GABRA3: variants seen among roughly 807,000 people sequenced by gnomAD.
GABRA3 encodes the protein gamma-aminobutyric acid receptor subunit alpha-3.
In GABRA3, 10 loss-of-function variants were observed where a neutral mutation model predicts 30.1. The ratio of observed to expected loss-of-function variants is 0.33; its 90% CI spans 0.20 to 0.56. GABRA3 has a LOEUF of 0.56. GABRA3 is among the 20% of genes least tolerant of loss of function. The probability of loss-of-function intolerance (pLI) is 0.89; values close to 1 mark genes in which losing one functional copy is unlikely to be tolerated. For missense variants in GABRA3, 233 were observed against 392.0 expected (o/e 0.59, Z 3.42); for synonymous variants, 151 against 146.8 (o/e 1.03, Z -0.21).
At chrX:152,297,051 C>A (rs1939542844) in intron 3 of GABRA3, among the ~76,000 whole-genome samples, 1 of 111,205 alleles carries the variant, frequency 9.0e-6, no homozygotes, top group East Asian at 2.8e-4. Flanking sequence ...ACAACATATG[C>A]TGATAAAATA....
chrX:152,302,824 TTATAG>T lies in GABRA3; in HGVS notation c.263-18094_263-18090del, dbSNP rs1939654540. On this transcript the variant is annotated intron_variant, in intron 3 of 9. Coordinates refer to ENST00000370314, the MANE Select transcript of GABRA3 (RefSeq NM_000808.4). ...TTAGCTCCCACCTGTAAGTGAGAAC[TTATAG>T]TATTTGGTTTTCTGTTTCTCAGTTA... Among the ~76,000 whole-genome samples the T allele has an allele frequency of 2.7e-5, 3 of 111,514 alleles. No individual in the cohort carries two copies. In the South Asian group the frequency reaches 1.2e-3, roughly 43 times the overall value.
At chrX:152,357,004 T>TA (rs1348552735) in intron 2 of GABRA3, among the ~76,000 whole-genome samples, 1 of 112,003 alleles carries the variant, frequency 8.9e-6, no homozygotes, top group African/African-American at 3.2e-5. Context: ...AATGAGCATT[T>TA]AGGTTGATTC....
chrX:152,229,827 A>T (rs941162421), intron 5 of GABRA3, among the ~76,000 whole-genome samples: 2 of 111,447 alleles, frequency 1.8e-5, no homozygotes, highest in Non-Finnish European at 3.8e-5. Flanking sequence ...TAAAATTATG[A>T]CAACTTTATA....
At chrX:152,278,004 C>T (rs192368509) in intron 4 of GABRA3, among the ~76,000 whole-genome samples, 157 of 112,375 alleles carry the variant, frequency 1.4e-3, no homozygotes, top group African/African-American at 5.0e-3. Context: ...GCCACTCCCT[C>T]TTATTTTGGC....
At chrX:152,225,137 C>CA (rs984813966) in intron 5 of GABRA3, among the ~76,000 whole-genome samples, 2 of 109,752 alleles carry the variant, frequency 1.8e-5, no homozygotes, top group African/African-American at 6.6e-5. Flanking sequence ...GACACCCCCC[C>CA]CAAGAAGCCT....
At chrX:152,305,253 T>C (rs1939703796) in intron 3 of GABRA3, among the ~76,000 whole-genome samples, 1 of 110,118 alleles carries the variant, frequency 9.1e-6, no homozygotes, top group African/African-American at 3.3e-5. Flanking sequence ...CAATAGATAC[T>C]GGGGATTCCA....
intron 4 of GABRA3, among the ~76,000 whole-genome samples, chrX:152,257,210 G>A (rs766285626): frequency 2.7e-5 from 3 of 111,977 alleles, no homozygotes; most frequent in Non-Finnish European, 5.6e-5. Context: ...TCAAGTGGAG[G>A]AAATCTGAAA....
intron 1 of GABRA3, among the ~76,000 whole-genome samples, chrX:152,387,466 C>T (rs1929355552): frequency 9.0e-6 from 1 of 111,305 alleles, no homozygotes; most frequent in Non-Finnish European, 1.9e-5. Context: ...GAAATAAGTT[C>T]GTTACAGGCT....
chrX:152,315,051 C>T (rs1011571078), intron 3 of GABRA3, among the ~76,000 whole-genome samples: 1 of 111,298 alleles, frequency 9.0e-6, no homozygotes, highest in African/African-American at 3.3e-5. Flanking sequence ...TGTGGAGACT[C>T]GCACCATGAA....
chrX:152,392,291 C>T (rs765248882), intron 1 of GABRA3: 2 of 386,669 alleles, frequency 5.2e-6, no homozygotes, highest in Non-Finnish European at 1.0e-5. Context: ...CATTTGACCA[C>T]GATGCACACT....
At chrX:152,291,372 AC>A (rs2124444227) in intron 3 of GABRA3, among the ~76,000 whole-genome samples, 1 of 111,828 alleles carries the variant, frequency 8.9e-6, no homozygotes, top group African/African-American at 3.2e-5. Flanking sequence ...GCATCCTGAG[AC>A]TTTGCTGAAG....
chrX:152,286,446 G>T (rs141268647), intron 3 of GABRA3, among the ~76,000 whole-genome samples: 1 of 110,643 alleles, frequency 9.0e-6, no homozygotes, highest in Non-Finnish European at 1.9e-5. Context: ...GACCTGAATT[G>T]AGCACACTAG....
intron 4 of GABRA3, 21 bp from the exon 5 acceptor site, chrX:152,256,019 A>T (rs1938631118): frequency 8.8e-7 from 1 of 1,130,139 alleles, no homozygotes; most frequent in Non-Finnish European, 1.2e-6. Context: ...AAAGAGAGAA[A>T]ACAATGTTTC....
intron 6 of GABRA3, 35 bp downstream of exon 6, chrX:152,224,728 A>G (rs767428808): frequency 3.9e-6 from 4 of 1,026,999 alleles, no homozygotes; most frequent in Non-Finnish European, 4.0e-6. Context: ...ATCAGGCAAA[A>G]AAAAAAGACA....
At chrX:152,363,271 G>T (rs1228735845) in intron 2 of GABRA3, among the ~76,000 whole-genome samples, 1 of 111,909 alleles carries the variant, frequency 8.9e-6, no homozygotes, top group Admixed American at 9.5e-5. Flanking sequence ...AAATATTGCA[G>T]AAAGCATAGT....
intron 3 of GABRA3, among the ~76,000 whole-genome samples, chrX:152,344,348 C>A (rs1005398099): frequency 3.6e-5 from 4 of 110,986 alleles, no homozygotes; most frequent in African/African-American, 9.8e-5. Flanking sequence ...TGTAATCCAC[C>A]GAATAAAGCA....
intron 3 of GABRA3, among the ~76,000 whole-genome samples, chrX:152,294,347 ACTTCT>A (rs1294583526): frequency 9.1e-6 from 1 of 109,762 alleles, no homozygotes; most frequent in Admixed American, 9.7e-5. Flanking sequence ...TTTTCTCTAA[ACTTCT>A]CTTCTCACTT....
intron 5 of GABRA3, among the ~76,000 whole-genome samples, chrX:152,228,937 GTCTT>G (rs766216421): frequency 9.0e-6 from 1 of 111,003 alleles, no homozygotes; most frequent in East Asian, 2.8e-4. Flanking sequence ...AGAAATCAAA[GTCTT>G]TATCTATTCC....
intron 6 of GABRA3, among the ~76,000 whole-genome samples, chrX:152,221,689 C>T (rs181091939): frequency 9.0e-6 from 1 of 111,532 alleles, no homozygotes; most frequent in Non-Finnish European, 1.9e-5. Flanking sequence ...CCTGTTTATC[C>T]TCTGCAAATT....
Sources: allele counts gnomAD v4.1 joint callset (sites outside exome capture counted in the v4.1 genomes callset), GRCh38; gene constraint gnomAD v4.1.1; transcripts MANE v1.5; gene names NCBI Gene and HGNC (gene_info 2026-07-23, HGNC 2026-07-21).